Variants in KIAA0930 observed in about 807,000 individuals in gnomAD.
The protein encoded by KIAA0930 is KIAA0930.
A neutral mutation model predicts 43.9 loss-of-function variants in KIAA0930; 24 were observed. The observed-to-expected ratio is 0.55, with a 90% CI of 0.40 to 0.77. The LOEUF (loss-of-function observed/expected upper bound fraction) is 0.77, where lower values mean the gene tolerates loss of function less well. Ranked by LOEUF, KIAA0930 falls within the 30% of genes least tolerant of loss-of-function variation. The probability of loss-of-function intolerance (pLI) is 0.00; values close to 1 mark genes in which losing one functional copy is unlikely to be tolerated. For missense variants in KIAA0930, 461 were observed against 574.2 expected, an observed-to-expected ratio of 0.80 and a Z score of 2.02; for synonymous variants, 259 against 216.4, an observed-to-expected ratio of 1.20 and a Z score of -1.73.
At chr22:45,220,602 G>A (rs1364590486) in intron 1 of KIAA0930, among the ~76,000 whole-genome samples, 1 of 151,956 alleles carries the variant, frequency 6.6e-6, no homozygotes, top group Non-Finnish European at 1.5e-5. Context: ...TTTATGTTGG[G>A]ACAGGGTCTA....
chr22:45,207,417 G>A (rs2083648108), intron 2 of KIAA0930, among the ~76,000 whole-genome samples: 2 of 151,028 alleles, frequency 1.3e-5, no homozygotes, highest in Non-Finnish European at 2.9e-5. Flanking sequence ...CTACCTCCTG[G>A]GTTCACGTGA....
chr22:45,218,370 G>A (rs2083746971), intron 1 of KIAA0930, among the ~76,000 whole-genome samples: 1 of 108,614 alleles, frequency 9.2e-6, no homozygotes, highest in Non-Finnish European at 1.7e-5. Flanking sequence ...TTTTAGTAGA[G>A]ACAGGGTTTC....
At chr22:45,201,746 C>G (rs944232173) in intron 7 of KIAA0930, among the ~76,000 whole-genome samples, 1 of 151,984 alleles carries the variant, frequency 6.6e-6, no homozygotes. Context: ...GAAGATACCT[C>G]CCCCCCAAAA....
In KIAA0930 at chr22:45,203,196, C is replaced by T. The variant is rs376843102; in HGVS notation, c.658-12G>A. On this transcript the variant is annotated splice_polypyrimidine_tract_variant and intron_variant, in intron 6 of 9. Coordinates refer to ENST00000336156, the MANE Select transcript of KIAA0930 (RefSeq NM_001009880.2). Reference sequence around the variant, plus strand: ...GCGGCCACGCTCACCTGGGGGCCGGCGCGGGGCAGCCTGAGTCAGGGAGGT... The same window carrying T: ...GCGGCCACGCTCACCTGGGGGCCGGTGCGGGGCAGCCTGAGTCAGGGAGGT... The T allele has an allele frequency of 5.7e-6, 9 of 1,580,274 alleles. No individual in the cohort carries two copies. Among genetic ancestry groups the T allele is most frequent in the South Asian group, 2.3e-5 (2 of 85,838 alleles).
In KIAA0930 at chr22:45,200,030, G is replaced by A. The variant is rs763281672; in HGVS notation, c.858C>T (p.Thr286=). The A allele has an allele frequency of 6.3e-7, 1 of 1,588,548 alleles. No individual in the cohort carries two copies. Among genetic ancestry groups the A allele is most frequent in the African/African-American group, 1.4e-5 (1 of 73,174 alleles). Residue 286 remains threonine, a synonymous_variant, in exon 8 of 10, where the codon ACC becomes ACT. Coordinates refer to ENST00000336156, the MANE Select transcript of KIAA0930 (RefSeq NM_001009880.2). ...CTGGGGTGGGGGGTGTGCTGAAGGAGGTCACCTGGGAACAAGCAGCCAAAG... is the reference window on the plus strand; with the variant it reads ...CTGGGGTGGGGGGTGTGCTGAAGGAAGTCACCTGGGAACAAGCAGCCAAAG... The part of the protein sequence containing the change: ...SPASPMHERV[T]SFSTPPTPER...
In KIAA0930 at chr22:45,195,285, T is replaced by G. The variant is rs1052343212; in HGVS notation, c.*1891A>C. 7.9e-5 allele frequency: 12 copies of G among 152,238 alleles called. No individual in the cohort carries two copies. Among genetic ancestry groups the G allele is most frequent in the African/African-American group, 2.7e-4 (11 of 41,468 alleles). 9.4% of individuals were successfully genotyped at this position (152,238 alleles called of 1,614,324 possible). Reference sequence around the variant, plus strand: ...CCTCTGAGAACAGAGGGCGGGCCGCTGTGCTCCTCACAACCTGGACTGCCT... The same window carrying G: ...CCTCTGAGAACAGAGGGCGGGCCGCGGTGCTCCTCACAACCTGGACTGCCT... On this transcript the variant is annotated 3_prime_UTR_variant, in exon 10 of 10. Coordinates refer to ENST00000336156, the MANE Select transcript of KIAA0930 (RefSeq NM_001009880.2).
In KIAA0930 at chr22:45,240,145, C is replaced by A. The variant is rs183686311; in HGVS notation, c.64+495G>T. Among the ~76,000 whole-genome samples, 562 of 152,210 alleles carry A rather than the reference C, an allele frequency of 3.7e-3. 3 individuals carry two copies. Among genetic ancestry groups the A allele is most frequent in the Non-Finnish European group, 4.8e-3 (326 of 67,992 alleles). The stretch of plus-strand genomic sequence containing the variant: ...AAGGGATGAGAGGGGCCGGTGGGTG[C>A]GGAAAGACAAAGGCTTCGGGTAGCA... On this transcript the variant is annotated intron_variant, in intron 1 of 9. Coordinates refer to ENST00000336156, the MANE Select transcript of KIAA0930 (RefSeq NM_001009880.2).
intron 1 of KIAA0930, among the ~76,000 whole-genome samples, chr22:45,223,812 A>T (rs1447084550): frequency 7.0e-6 from 1 of 142,674 alleles, no homozygotes; most frequent in Non-Finnish European, 1.5e-5. Context: ...AGCACCCAGG[A>T]TCAGCACCAG....
At chr22:45,221,790 G>A (rs1045317209) in intron 1 of KIAA0930, among the ~76,000 whole-genome samples, 14 of 152,208 alleles carry the variant, frequency 9.2e-5, no homozygotes, top group African/African-American at 3.1e-4. Flanking sequence ...GCTGGAGTAC[G>A]GTGGCACGAT....
At chr22:45,234,724 A>C (rs921379855) in intron 1 of KIAA0930, among the ~76,000 whole-genome samples, 1 of 152,252 alleles carries the variant, frequency 6.6e-6, no homozygotes, top group Non-Finnish European at 1.5e-5. Context: ...CTATGTTTCC[A>C]ACCACATGAG....
chr22:45,225,330 G>A (rs151311518), intron 1 of KIAA0930, among the ~76,000 whole-genome samples: 1 of 152,284 alleles, frequency 6.6e-6, no homozygotes, highest in East Asian at 1.9e-4. Context: ...GAGGGGAGCT[G>A]GACCATTGAG....
Position 45,205,906 on chromosome 22 carries a change from C to G in KIAA0930, c.223G>C (p.Glu75Gln), listed in dbSNP as rs552826865. The G allele has an allele frequency of 5.8e-5, 93 of 1,613,200 alleles. No individual in the cohort carries two copies. In the Middle Eastern group the frequency reaches 8.2e-4, roughly 14 times the overall value. ...ESGADGRKAA[E>Q]PEVEVEVYRR... ...TACACCTCCACCTCCACCTCAGGCT[C>G]AGCTGCCTGCGAGGCCCAGAGCAGA... Residue 75 changes from glutamate to glutamine, a missense_variant, in exon 3 of 10, where the codon GAG becomes CAG. Transcript: ENST00000336156.
At position 45,197,234 on chromosome 22, in the gene KIAA0930, G is replaced by T. The variant is rs369151302; in HGVS notation, c.1175-18C>A. 6.5e-7 allele frequency: 1 copy of T among 1,549,146 alleles called. No homozygotes were observed. The highest frequency in any genetic ancestry group is 1.2e-5 in the South Asian group (1 of 83,694). On this transcript the variant is annotated intron_variant, in intron 9 of 9. Coordinates refer to ENST00000336156, the MANE Select transcript of KIAA0930 (RefSeq NM_001009880.2). ...CAGGATGTCTAGGGCCGGCAGGAGG[G>T]AAGCAGGTGAAACAGTAACCCTCAA...
chr22:45,205,411 C>T, intron 4 of KIAA0930, 93 bp from the exon 5 acceptor site: 1 of 1,141,234 alleles, frequency 8.8e-7, no homozygotes, highest in Non-Finnish European at 1.3e-6. Flanking sequence ...CCACCCGGCC[C>T]AGAGCCAGTC....
At chr22:45,211,531 G>A in intron 2 of KIAA0930, 1 of 446,102 alleles carries the variant, frequency 2.2e-6, no homozygotes, top group Non-Finnish European at 3.9e-6. Flanking sequence ...ATGATGGCGA[G>A]GGCTCAGTAA....
rs780041103 is a variant in KIAA0930 at position 45,199,904 on chromosome 22, G to A, written c.984C>T (p.Ser328=). Reference sequence around the variant, plus strand: ...CGTCGTCCTCCCGGAAGAACTCCTCGCTGTCGTTGGCCGAGTGCGACTTCT... The same window carrying A: ...CGTCGTCCTCCCGGAAGAACTCCTCACTGTCGTTGGCCGAGTGCGACTTCT... ...EMKKSHSAND[S]EEFFREDDGG... is the part of the protein sequence containing the mutation. The change falls in exon 8 of 10, where the codon AGC becomes AGT. Residue 328 remains serine, a synonymous_variant. Transcript: ENST00000336156. 1.5e-5 allele frequency: 24 copies of A among 1,596,990 alleles called. No homozygotes were observed. The highest frequency in any genetic ancestry group is 1.0e-4 in the Admixed American group (6 of 58,884).
rs201557180 is a variant in KIAA0930, at chr22:45,205,767, G to A, written c.336+26C>T. 665 of 1,579,450 alleles carry A rather than the reference G, an allele frequency of 4.2e-4. 5 individuals are homozygous for A. The highest frequency in any genetic ancestry group is 6.7e-4 in the Middle Eastern group (4 of 5,968). On this transcript the variant is annotated intron_variant, in intron 3 of 9. Transcript: ENST00000336156. ...GTCAGCCATCCCACAGGGCCAATCCGCAGCCCCACCCATCCCACCCCATAC... is the reference window on the plus strand; with the variant it reads ...GTCAGCCATCCCACAGGGCCAATCCACAGCCCCACCCATCCCACCCCATAC...
chr22:45,228,933 A>T (rs866661144), intron 1 of KIAA0930, among the ~76,000 whole-genome samples: 2 of 16,128 alleles, frequency 1.2e-4, no homozygotes, highest in South Asian at 2.4e-3. Context: ...TCCACCCCCC[A>T]ACCACTCACC....
intron 5 of KIAA0930, among the ~76,000 whole-genome samples, chr22:45,204,292 G>A (rs1024281880): frequency 1.3e-5 from 2 of 152,264 alleles, no homozygotes; most frequent in East Asian, 1.9e-4. Context: ...CCTCCACACC[G>A]CCTAGGGGTG....
Sources: allele counts gnomAD v4.1 joint callset (sites outside exome capture counted in the v4.1 genomes callset), GRCh38; gene constraint gnomAD v4.1.1; transcripts MANE v1.5; gene names NCBI Gene and HGNC (gene_info 2026-07-23, HGNC 2026-07-21).